RNF220: variants seen among roughly 807,000 people sequenced by gnomAD.
RNF220 encodes E3 ubiquitin-protein ligase RNF220.
A neutral mutation model predicts 67.1 loss-of-function variants in RNF220; 7 were observed. The ratio of observed to expected loss-of-function variants is 0.10; its 90% CI spans 0.06 to 0.20. The LOEUF (loss-of-function observed/expected upper bound fraction) is 0.20. Among genes scored for constraint, RNF220 ranks in the 10% least tolerant of loss-of-function variants. The probability of loss-of-function intolerance (pLI) is 1.00; values close to 1 mark genes in which losing one functional copy is unlikely to be tolerated. For missense variants in RNF220, 565 were observed against 740.3 expected, an observed-to-expected ratio of 0.76 and a Z score of 2.75; for synonymous variants, 270 against 283.2, an observed-to-expected ratio of 0.95 and a Z score of 0.47.
intron 2 of RNF220, among the ~76,000 whole-genome samples, chr1:44,535,476 C>T (rs764550634): frequency 2.6e-5 from 4 of 152,168 alleles, no homozygotes; most frequent in Admixed American, 6.5e-5. Context: ...TGAGAACTCC[C>T]ACTGATGTTC....
intron 5 of RNF220, chr1:44,632,106 G>A (rs454469): frequency 3.4e-6 from 5 of 1,458,264 alleles, no homozygotes; most frequent in East Asian, 2.8e-5. Context: ...GGGCTGGGGC[G>A]GCACCGCGCA....
rs746922486 is a variant in RNF220, at chr1:44,412,691, C to T, written c.594C>T (p.Ala198=). Residue 198 remains alanine (A), a synonymous_variant, in exon 2 of 15, where the codon GCC becomes GCT. Transcript: ENST00000361799. This position sits in a 1 kb window ranked among gnomAD's most constrained non-coding sequence, Gnocchi z 5.3. ...CTGGCCTCATTTCTGATCGGGAAGC[C>T]TCATCTAGCCCAGAGGATCGGAATG... ...AVSGLISDRE[A]SSSPEDRNDR... 3.1e-6 allele frequency: 5 copies of T among 1,614,006 alleles called. No homozygotes were observed. Among genetic ancestry groups the T allele is most frequent in the African/African-American group, 2.7e-5 (2 of 74,898 alleles).
chr1:44,443,674 T>TC (rs902400332), intron 2 of RNF220, among the ~76,000 whole-genome samples: 4 of 152,230 alleles, frequency 2.6e-5, no homozygotes, highest in African/African-American at 9.6e-5. Flanking sequence ...TTTGGTTTTT[T>TC]CCCCAAGTAC....
chr1:44,556,474 C>T lies in RNF220; in HGVS notation c.626-57691C>T, dbSNP rs111988665. ...CTCTACCTGCTGTCCTCTGGTAAAC[C>T]TGCCCTCTTTTTAATGCAACTCCCT... On this transcript the variant is annotated intron_variant, in intron 2 of 14. Transcript: ENST00000361799. Among the ~76,000 whole-genome samples, 72 of 150,772 alleles carry T rather than the reference C, an allele frequency of 4.8e-4. 6 individuals carry two copies. The highest frequency in any genetic ancestry group is 1.7e-3 in the African/African-American group (70 of 40,426).
intron 2 of RNF220, among the ~76,000 whole-genome samples, chr1:44,601,434 T>C (rs1280655816): frequency 6.6e-6 from 1 of 152,140 alleles, no homozygotes; most frequent in Non-Finnish European, 1.5e-5. Flanking sequence ...TGGGAGTTGA[T>C]ATGCTGATGG....
intron 2 of RNF220, among the ~76,000 whole-genome samples, chr1:44,429,585 G>T (rs1557916907): frequency 6.6e-6 from 1 of 152,218 alleles, no homozygotes; most frequent in Non-Finnish European, 1.5e-5. Flanking sequence ...AACCTTCACA[G>T]GGAAGGTGGG....
chr1:44,588,278 A>G (rs745999949), intron 2 of RNF220, among the ~76,000 whole-genome samples: 1 of 152,112 alleles, frequency 6.6e-6, no homozygotes, highest in Non-Finnish European at 1.5e-5. Context: ...GCCCTTCTCT[A>G]CTTGACCGCA....
At chr1:44,585,966 T>A (rs961656931) in intron 2 of RNF220, among the ~76,000 whole-genome samples, 4 of 152,108 alleles carry the variant, frequency 2.6e-5, no homozygotes, top group Non-Finnish European at 5.9e-5. Flanking sequence ...AAACCTTCAC[T>A]CTCTGTTGTC....
In RNF220 at chr1:44,649,063, T is replaced by G; in HGVS notation, c.1446-598T>G. 1 of 160,524 alleles carries G rather than the reference T, an allele frequency of 6.2e-6. No individual in the cohort carries two copies. The highest frequency in any genetic ancestry group is 1.4e-5 in the Non-Finnish European group (1 of 72,828). The allele number at this position is 160,524 out of a possible 1,614,324, so 9.9% of individuals were successfully genotyped here. A position where few individuals can be genotyped will look rare whatever the true frequency, so the allele number is the denominator to read the frequency against. On this transcript the variant is annotated intron_variant, in intron 12 of 14. Coordinates refer to ENST00000361799, the MANE Select transcript of RNF220 (RefSeq NM_018150.4). The surrounding 1 kb of genome is among the most constrained non-coding windows in gnomAD (Gnocchi z 5.9). Reference sequence around the variant, plus strand: ...GCAGAGGCCAAGGCAGTGAAAAAGGTGGCGTGGATGGTGACACATAGGAGT... The same window carrying G: ...GCAGAGGCCAAGGCAGTGAAAAAGGGGGCGTGGATGGTGACACATAGGAGT...
At chr1:44,507,747 T>C (rs1260163862) in intron 2 of RNF220, among the ~76,000 whole-genome samples, 1 of 152,130 alleles carries the variant, frequency 6.6e-6, no homozygotes, top group Non-Finnish European at 1.5e-5. Context: ...TGTGGGCGGC[T>C]TGGGCGCTGG....
chr1:44,470,481 A>G (rs1654705274), intron 2 of RNF220, among the ~76,000 whole-genome samples: 1 of 152,228 alleles, frequency 6.6e-6, no homozygotes, highest in African/African-American at 2.4e-5. Flanking sequence ...AATAAAATGG[A>G]TACACACAAT....
At chr1:44,639,672 A>T (rs1407578762) in intron 8 of RNF220, among the ~76,000 whole-genome samples, 1 of 152,210 alleles carries the variant, frequency 6.6e-6, no homozygotes, top group Non-Finnish European at 1.5e-5. Flanking sequence ...CTTATCTTTC[A>T]TGAGTTCCTT....
In RNF220 at chr1:44,412,088, AGAGACTCCGATGG is replaced by A. The variant is rs760785203; in HGVS notation, c.-9_4del. ...TTCTTGCGTAACGCCGGCCACAGAA[AGAGACTCCGATGG>A]ACTTACACCGGGCAGCCTTCAAGAT... On this transcript the variant is annotated start_lost and 5_prime_UTR_variant, in exon 2 of 15. Coordinates refer to ENST00000361799, the MANE Select transcript of RNF220 (RefSeq NM_018150.4). This position sits in a 1 kb window ranked among gnomAD's most constrained non-coding sequence, Gnocchi z 5.3. 1 of 1,597,428 alleles carries A rather than the reference AGAGACTCCGATGG, an allele frequency of 6.3e-7. No individual in the cohort carries two copies. The highest frequency in any genetic ancestry group is 8.5e-7 in the Non-Finnish European group (1 of 1,169,658).
At chr1:44,594,926 C>CT (rs1185503533) in intron 2 of RNF220, among the ~76,000 whole-genome samples, 43 of 152,304 alleles carry the variant, frequency 2.8e-4, no homozygotes, top group Admixed American at 2.7e-3. Context: ...CCCTTGGCCT[C>CT]TGATTCGGGG....
chr1:44,651,015 C>G lies in RNF220; in HGVS notation c.*240C>G, dbSNP rs1644775432. ...CTATGGTTTGGGGGCCATACCTGTT[C>G]CAGCTCTGTTCCCAGGGTGGGGCAG... is the stretch of plus-strand genomic sequence containing the variant. On this transcript the variant is annotated 3_prime_UTR_variant, in exon 15 of 15. Transcript: ENST00000361799. 3 of 538,508 alleles carry G rather than the reference C, an allele frequency of 5.6e-6. No homozygotes were observed. The African/African-American group carries it at 5.7e-5, about 10-fold the overall frequency. The allele number at this position is 538,508 out of a possible 1,614,324, so 33.4% of individuals were successfully genotyped here.
At chr1:44,632,531 ACCAAAG>A in intron 6 of RNF220, 146 bp downstream of exon 6, 1 of 766,446 alleles carries the variant, frequency 1.3e-6, no homozygotes, top group Non-Finnish European at 2.2e-6. Flanking sequence ...GTATGTGCAA[ACCAAAG>A]CTGCCGCTCT....
At chr1:44,615,857 C>A (rs542282166) in intron 3 of RNF220, among the ~76,000 whole-genome samples, 1 of 152,332 alleles carries the variant, frequency 6.6e-6, no homozygotes, top group Non-Finnish European at 1.5e-5. Context: ...ATCTCAGTTT[C>A]TGTGGTCATC....
rs962591134 is a variant in RNF220 at position 44,417,311 on chromosome 1, C to A, written c.625+4589C>A. Among the ~76,000 whole-genome samples the A allele has an allele frequency of 2.6e-5, 4 of 152,210 alleles. No individual in the cohort carries two copies. Among genetic ancestry groups the A allele is most frequent in the Admixed American group, 2.0e-4 (3 of 15,284 alleles). On this transcript the variant is annotated intron_variant, in intron 2 of 14. Transcript: ENST00000361799. This position sits in a 1 kb window ranked among gnomAD's most constrained non-coding sequence, Gnocchi z 4.0. Reference sequence around the variant, plus strand: ...ATGTGTGTGGTTGTTTCTGGTTGTTCACTCCCAACACAGTCATGGAGACTC... The same window carrying A: ...ATGTGTGTGGTTGTTTCTGGTTGTTAACTCCCAACACAGTCATGGAGACTC...
intron 8 of RNF220, among the ~76,000 whole-genome samples, chr1:44,637,438 C>T (rs947907669): frequency 6.6e-6 from 1 of 152,220 alleles, no homozygotes; most frequent in African/African-American, 2.4e-5. Flanking sequence ...GCAGGGCTGA[C>T]GACTGTCCCA....
Sources: allele counts gnomAD v4.1 joint callset (sites outside exome capture counted in the v4.1 genomes callset), GRCh38; gene constraint gnomAD v4.1.1; non-coding constraint Gnocchi (gnomAD v3.1); transcripts MANE v1.5; gene names NCBI Gene and HGNC (gene_info 2026-07-23, HGNC 2026-07-21).